Variants in EP300 observed in about 807,000 individuals in gnomAD.
EP300 encodes the protein histone acetyltransferase p300.
A neutral mutation model predicts 264.0 loss-of-function variants in EP300; 31 were observed. That is an observed-to-expected ratio of 0.12 (90% CI 0.09 to 0.16). The LOEUF (loss-of-function observed/expected upper bound fraction) is 0.16, where lower values mean the gene tolerates loss of function less well. Ranked by LOEUF, EP300 falls within the 10% of genes least tolerant of loss-of-function variation. The probability of loss-of-function intolerance (pLI) is 1.00; values close to 1 mark genes in which losing one functional copy is unlikely to be tolerated. For synonymous variants in EP300, 1,340 were observed against 1,045.4 expected (o/e 1.28, Z -5.44); for missense variants, 2,766 against 3,052.9 (o/e 0.91, Z 2.21).
chr22:41,131,334 C>G (rs1258408725), intron 5 of EP300, 54 bp from the exon 6 acceptor site: 9 of 1,586,514 alleles, frequency 5.7e-6, no homozygotes, highest in Non-Finnish European at 7.8e-6. Flanking sequence ...ACATGTTAGT[C>G]TTTTTTTTCT....
At position 41,178,456 on chromosome 22, in the gene EP300, T is replaced by G; in HGVS notation, c.6745T>G (p.Leu2249Val). ...MGQIGQLPQA[L>V]GAEAGASLQA... ...ACAGATAGGCCAGCTTCCCCAGGCC[T>G]TGGGAGCAGAGGCAGGTGCCAGTCT... Residue 2249 changes from leucine to valine, a missense_variant, in exon 31 of 31, where the codon TTG becomes GTG. By Grantham distance (32) the Leu-to-Val change is conservative. Transcript: ENST00000263253. The G allele has an allele frequency of 1.2e-6, 2 of 1,614,074 alleles. No homozygotes were observed. The highest frequency in any genetic ancestry group is 1.7e-6 in the Non-Finnish European group (2 of 1,180,026).
At chr22:41,117,842 T>C (rs1460450516) in intron 2 of EP300, 21 bp downstream of exon 2, 1 of 1,613,320 alleles carries the variant, frequency 6.2e-7, no homozygotes, top group Admixed American at 1.7e-5. Flanking sequence ...TTTTGGTTTG[T>C]GTGCACAATC....
chr22:41,111,686 C>G (rs779902296), intron 1 of EP300, among the ~76,000 whole-genome samples: 8 of 151,848 alleles, frequency 5.3e-5, no homozygotes, highest in Non-Finnish European at 1.2e-4. Flanking sequence ...AGGTTACGGC[C>G]TGCACCACCA....
intron 7 of EP300, among the ~76,000 whole-genome samples, chr22:41,136,947 C>G (rs1025576953): frequency 6.6e-6 from 1 of 152,114 alleles, no homozygotes; most frequent in Non-Finnish European, 1.5e-5. Context: ...GTAATCCCAG[C>G]TACTCAGGAG....
chr22:41,098,123 A>G (rs915948532), intron 1 of EP300, among the ~76,000 whole-genome samples: 3 of 151,976 alleles, frequency 2.0e-5, no homozygotes, highest in African/African-American at 4.8e-5. Flanking sequence ...AGCATTAGGT[A>G]TATCTCCTAA....
intron 23 of EP300, among the ~76,000 whole-genome samples, chr22:41,167,436 G>A (rs1206187075): frequency 2.6e-5 from 4 of 151,386 alleles, no homozygotes; most frequent in Non-Finnish European, 4.4e-5. Context: ...TAGTTTTGGG[G>A]TGTTTTACTG....
At position 41,141,049 on chromosome 22, in the gene EP300, C is replaced by A. The variant is rs1280109939; in HGVS notation, c.1880C>A (p.Ala627Glu). ...GDMYESANNR[A>E]EYYHLLAEKI... The stretch of plus-strand genomic sequence containing the variant: ...TATTTTACTTCAACAATTCAAAAGG[C>A]GGAATACTACCACCTTCTAGCTGAG... The change falls in exon 10 of 31, where the codon GCG (alanine) becomes GAG (glutamate). Residue 627 changes from alanine to glutamate, a missense_variant and splice_region_variant. Coordinates refer to ENST00000263253, the MANE Select transcript of EP300 (RefSeq NM_001429.4). The A allele has an allele frequency of 1.2e-6, 2 of 1,613,526 alleles. No homozygotes were observed. The highest frequency in any genetic ancestry group is 1.1e-5 in the South Asian group (1 of 90,978).
chr22:41,160,993 C>G (rs914601690), intron 20 of EP300, among the ~76,000 whole-genome samples: 2 of 152,144 alleles, frequency 1.3e-5, no homozygotes, highest in African/African-American at 4.8e-5. Flanking sequence ...TTTGAGACAT[C>G]AATGAATTAG....
At position 41,179,877 on chromosome 22, in the gene EP300, CACTCACACACA is replaced by C. The variant is rs768698964; in HGVS notation, c.*922_*932del. 61 of 145,626 alleles carry C rather than the reference CACTCACACACA, an allele frequency of 4.2e-4. No individual in the cohort carries two copies. Among genetic ancestry groups the C allele is most frequent in the East Asian group, 3.7e-3 (40 of 10,692 alleles). 9.0% of individuals were successfully genotyped at this position (145,626 alleles called of 1,614,324 possible). ...CTTTCTTCCTCCTTACCCTACCCCC[CACTCACACACA>C]CACACACACACACACACACACACAC... On this transcript the variant is annotated 3_prime_UTR_variant, in exon 31 of 31. Transcript: ENST00000263253.
chr22:41,128,595 C>T (rs570972461), intron 4 of EP300, among the ~76,000 whole-genome samples: 2 of 152,220 alleles, frequency 1.3e-5, no homozygotes, highest in East Asian at 3.9e-4. Flanking sequence ...GCAAACTCCA[C>T]CTTCCAGGTT....
Position 41,132,936 on chromosome 22 carries a change from GATAAA to G in EP300, c.1528+1306_1528+1310del, listed in dbSNP as rs546720885. Among the ~76,000 whole-genome samples, 16 of 152,284 alleles carry G rather than the reference GATAAA, an allele frequency of 1.1e-4. No individual in the cohort carries two copies. In the East Asian group the frequency reaches 2.9e-3, roughly 28 times the overall value. On this transcript the variant is annotated intron_variant, in intron 6 of 30. Transcript: ENST00000263253. ...TATGTATGTTTCTCTAATTGCATAT[GATAAA>G]ATCAAACAGCTTTTTTCTGTGTCTA...
At chr22:41,124,023 A>G (rs968605818) in intron 2 of EP300, among the ~76,000 whole-genome samples, 3 of 151,718 alleles carry the variant, frequency 2.0e-5, no homozygotes, top group East Asian at 2.0e-4. Context: ...CGAGGTGGGC[A>G]GATCACTTGA....
chr22:41,149,028 T>G lies in EP300; in HGVS notation c.2242-10T>G. ...GCAGTTTGGTGATTTGTGTTTTTTT[T>G]TTTTTTCAGCCTATGGGCTATGGGC... is the stretch of plus-strand genomic sequence containing the variant. On this transcript the variant is annotated splice_polypyrimidine_tract_variant and intron_variant, in intron 12 of 30. Transcript: ENST00000263253. 2 of 1,613,774 alleles carry G rather than the reference T, an allele frequency of 1.2e-6. No individual in the cohort carries two copies. The highest frequency in any genetic ancestry group is 1.7e-6 in the Non-Finnish European group (2 of 1,179,884).
chr22:41,099,761 C>T (rs1272051285), intron 1 of EP300, among the ~76,000 whole-genome samples: 1 of 152,160 alleles, frequency 6.6e-6, no homozygotes, highest in Non-Finnish European at 1.5e-5. Flanking sequence ...ATAAGGGTTA[C>T]TTAAAACTCA....
At position 41,131,460 on chromosome 22, in the gene EP300, A is replaced by C. The variant is rs774469864; in HGVS notation, c.1355A>C (p.Asn452Thr). 3 of 1,614,062 alleles carry C rather than the reference A, an allele frequency of 1.9e-6. No individual in the cohort carries two copies. The highest frequency in any genetic ancestry group is 1.3e-5 in the African/African-American group (1 of 75,024). Residue 452 changes from asparagine (N) to threonine (T), a missense_variant, in exon 6 of 31, where the codon AAC becomes ACC. Asn to Thr is a moderately conservative substitution (Grantham distance 65). Transcript: ENST00000263253. The stretch of plus-strand genomic sequence containing the variant: ...GGGGTGGGTCAACAGTCTGCCCCCA[A>C]CCTAAGCACTGTTAGTCAGATTGAT... Reference protein sequence around the residue: ...SLGVGQQSAPNLSTVSQIDPS... With the variant: ...SLGVGQQSAPTLSTVSQIDPS...
At chr22:41,152,444 C>G (rs2145741471) in intron 16 of EP300, 94 bp downstream of exon 16, 7 of 1,451,220 alleles carry the variant, frequency 4.8e-6, no homozygotes, top group Non-Finnish European at 6.6e-6. Context: ...TCAGAAGTTG[C>G]CATTATTGTG....
chr22:41,100,867 T>C (rs1033741772), intron 1 of EP300, among the ~76,000 whole-genome samples: 3 of 152,048 alleles, frequency 2.0e-5, no homozygotes, highest in African/African-American at 4.8e-5. Flanking sequence ...CATGACATCT[T>C]GTATCATGTC....
chr22:41,151,664 G>A (rs2145739528), intron 14 of EP300, among the ~76,000 whole-genome samples, 169 bp from the exon 15 acceptor site: 1 of 151,960 alleles, frequency 6.6e-6, no homozygotes, highest in South Asian at 2.1e-4. Flanking sequence ...CTGTTCTTAA[G>A]CATAATTAAG....
intron 1 of EP300, among the ~76,000 whole-genome samples, chr22:41,102,029 C>CTTTTTTTTTTTTTTTTTTT (rs5845488): frequency 1.7e-5 from 2 of 119,262 alleles, no homozygotes; most frequent in Admixed American, 8.8e-5. Context: ...TTTTTCTTTT[C>CTTTTTTTTTTTTTTTTTTT]TTTTTTTTTT....
Sources: gnomAD v4.1 joint callset for allele counts (sites outside exome capture counted in the v4.1 genomes callset) on GRCh38, gnomAD v4.1.1 for gene constraint, MANE v1.5 for transcripts, NCBI Gene and HGNC (gene_info 2026-07-23, HGNC 2026-07-21) for gene names.